The following ERC1 variants were observed in gnomAD, a reference collection of about 807,000 sequenced individuals.
The protein encoded by ERC1 is RAB6 interacting protein 2.
Under a neutral mutation model 132.0 loss-of-function variants are expected in ERC1, and 56 were observed. The ratio of observed to expected loss-of-function variants is 0.42; its 90% CI spans 0.34 to 0.53. ERC1 has a LOEUF of 0.53. Among genes scored for constraint, ERC1 ranks in the 20% least tolerant of loss-of-function variants. ERC1 has a pLI of 0.03. For synonymous variants in ERC1, 478 were observed against 476.1 expected (o/e 1.00, Z -0.05); for missense variants, 1,202 against 1,349.9 (o/e 0.89, Z 1.72).
intron 16 of ERC1, among the ~76,000 whole-genome samples, chr12:1,375,800 C>T (rs1389070789): frequency 2.2e-5 from 3 of 137,520 alleles, no homozygotes; most frequent in African/African-American, 5.6e-5. Flanking sequence ...TGCAGTGGTG[C>T]GATCTCGGCT....
At chr12:1,316,002 C>G (rs1235796498) in intron 15 of ERC1, among the ~76,000 whole-genome samples, 1 of 152,124 alleles carries the variant, frequency 6.6e-6, no homozygotes, top group Non-Finnish European at 1.5e-5. Flanking sequence ...ATTCCCCTGC[C>G]TCAGCCTCCC....
chr12:1,251,218 C>T (rs566466673), intron 13 of ERC1, among the ~76,000 whole-genome samples: 2 of 152,074 alleles, frequency 1.3e-5, no homozygotes, highest in East Asian at 1.9e-4. Flanking sequence ...TTAAGATTGA[C>T]ATCTTTTTAG....
At chr12:1,040,006 A>G (rs982014553) in intron 2 of ERC1, among the ~76,000 whole-genome samples, 1 of 152,204 alleles carries the variant, frequency 6.6e-6, no homozygotes, top group Non-Finnish European at 1.5e-5. Context: ...CCTGAAAGTT[A>G]TTATTTATTA....
In ERC1 at chr12:1,328,783, C is replaced by G. The variant is rs182123470; in HGVS notation, c.2780+38771C>G. Among the ~76,000 whole-genome samples, 754 of 151,812 alleles carry G rather than the reference C, an allele frequency of 5.0e-3. 8 individuals carry two copies. The highest frequency in any genetic ancestry group is 0.017 in the African/African-American group (722 of 41,428). On this transcript the variant is annotated intron_variant, in intron 15 of 18. Transcript: ENST00000360905. Reference sequence around the variant, plus strand: ...CTATTGCTTTGTCTTTTTTTTCTTACCATGGATTAAAATATCTGTGTACAT... The same window carrying G: ...CTATTGCTTTGTCTTTTTTTTCTTAGCATGGATTAAAATATCTGTGTACAT...
intron 13 of ERC1, among the ~76,000 whole-genome samples, chr12:1,261,751 G>A (rs772075435): frequency 1.3e-5 from 2 of 152,164 alleles, no homozygotes; most frequent in African/African-American, 2.4e-5. Flanking sequence ...ATAGATCACA[G>A]TATTTTATAA....
At chr12:1,205,246 T>C (rs969270397) in intron 12 of ERC1, among the ~76,000 whole-genome samples, 5 of 152,102 alleles carry the variant, frequency 3.3e-5, no homozygotes, top group Admixed American at 1.3e-4. Context: ...AAGTTACTTA[T>C]TTTGCATATG....
chr12:1,141,739 G>C lies in ERC1; in HGVS notation c.1689G>C (p.Lys563Asn). The change falls in exon 8 of 19, where the codon AAG (lysine) becomes AAC (asparagine). Residue 563 changes from lysine (K) to asparagine (N), a missense_variant. Transcript: ENST00000360905. The stretch of plus-strand genomic sequence containing the variant: ...AAGCTGGAGAGATACATGACCTCAA[G>C]GACATGTTGGATGTGAAGGAGCGGA... ...GTQAGEIHDLKDMLDVKERKV... is the reference protein window; with the variant it reads ...GTQAGEIHDLNDMLDVKERKV... The C allele has an allele frequency of 1.2e-6, 2 of 1,612,184 alleles. No individual in the cohort carries two copies. Among genetic ancestry groups the C allele is most frequent in the Non-Finnish European group, 1.7e-6 (2 of 1,179,084 alleles).
chr12:1,444,808 T>C (rs1462042080), intron 18 of ERC1, 58 bp downstream of exon 18: 21 of 1,522,880 alleles, frequency 1.4e-5, no homozygotes, highest in Non-Finnish European at 1.8e-5. Context: ...GCTGTGTAGG[T>C]TGATGCAGTG....
intron 1 of ERC1, among the ~76,000 whole-genome samples, chr12:1,010,091 A>T (rs1332265101): frequency 6.6e-6 from 1 of 152,228 alleles, no homozygotes; most frequent in East Asian, 1.9e-4. Flanking sequence ...GAGTACACAT[A>T]TAAAGAATTA....
chr12:1,433,679 G>A (rs992513246), intron 17 of ERC1, among the ~76,000 whole-genome samples: 7 of 152,190 alleles, frequency 4.6e-5, no homozygotes, highest in Non-Finnish European at 8.8e-5. Flanking sequence ...GAACAAGATG[G>A]CGGAGACTTT....
intron 14 of ERC1, among the ~76,000 whole-genome samples, chr12:1,263,956 C>G (rs1459374310): frequency 6.6e-6 from 1 of 151,794 alleles, no homozygotes; most frequent in East Asian, 1.9e-4. Context: ...TCCCAAAGTG[C>G]TGGGATTACA....
intron 12 of ERC1, chr12:1,204,453 C>T (rs758684539): frequency 6.6e-7 from 1 of 1,517,436 alleles, no homozygotes; most frequent in Admixed American, 1.9e-5. Context: ...TTAATTCTTT[C>T]TAACTTTCTT....
intron 7 of ERC1, among the ~76,000 whole-genome samples, chr12:1,120,331 G>A (rs936963294): frequency 5.3e-5 from 8 of 152,214 alleles, no homozygotes; most frequent in African/African-American, 1.2e-4. Flanking sequence ...AAAAAATTTC[G>A]AAACACCTTA....
intron 8 of ERC1, among the ~76,000 whole-genome samples, chr12:1,145,475 A>T (rs1765815771): frequency 6.6e-6 from 1 of 152,164 alleles, no homozygotes; most frequent in Non-Finnish European, 1.5e-5. Flanking sequence ...TCTGGATATT[A>T]GTCCTTTGTC....
intron 11 of ERC1, among the ~76,000 whole-genome samples, chr12:1,184,531 G>A (rs1366553727): frequency 6.6e-6 from 1 of 152,134 alleles, no homozygotes; most frequent in Non-Finnish European, 1.5e-5. Context: ...GCTTATCATT[G>A]AAATTTTAAA....
intron 1 of ERC1, among the ~76,000 whole-genome samples, chr12:1,001,652 T>TGTA (rs1962306773): frequency 1.3e-5 from 2 of 152,174 alleles, no homozygotes; most frequent in African/African-American, 4.8e-5. Context: ...GGAATCATAT[T>TGTA]GTATGTATTC....
At chr12:1,299,903 A>G (rs61913072) in intron 15 of ERC1, among the ~76,000 whole-genome samples, 11,865 of 152,274 alleles carry the variant, frequency 0.078, 650 homozygotes, top group Non-Finnish European at 0.12. Context: ...GAAAAATACA[A>G]TTTATTAAAA....
At chr12:1,450,741 G>A (rs1315880272) in intron 18 of ERC1, among the ~76,000 whole-genome samples, 3 of 152,192 alleles carry the variant, frequency 2.0e-5, no homozygotes, top group Admixed American at 6.5e-5. Context: ...CACAGCGGCT[G>A]TACCAACTGA....
intron 12 of ERC1, among the ~76,000 whole-genome samples, chr12:1,218,856 A>G (rs529577627): frequency 6.0e-5 from 9 of 150,524 alleles, no homozygotes. Flanking sequence ...ACACACACAC[A>G]TATATATATA....
Sources: allele counts gnomAD v4.1 joint callset (sites outside exome capture counted in the v4.1 genomes callset), GRCh38; gene constraint gnomAD v4.1.1; transcripts MANE v1.5; gene names NCBI Gene and HGNC (gene_info 2026-07-23, HGNC 2026-07-21).